The following ST8SIA6 variants were observed in gnomAD, a reference collection of about 807,000 sequenced individuals.
ST8SIA6 encodes alpha-2,8-sialyltransferase 8F.
In ST8SIA6, 39 loss-of-function variants were observed where a neutral mutation model predicts 33.6. The ratio of observed to expected loss-of-function variants is 1.16; its 90% CI spans 0.90 to 1.52. The LOEUF (loss-of-function observed/expected upper bound fraction) is 1.52. Among genes scored for constraint, ST8SIA6 ranks in the 40% most tolerant of loss-of-function variants. The pLI is 0.00. For missense variants in ST8SIA6, 441 were observed against 443.8 expected, an observed-to-expected ratio of 0.99 and a Z score of 0.06; for synonymous variants, 172 against 167.2, an observed-to-expected ratio of 1.03 and a Z score of -0.22.
chr10:17,341,918 A>C (rs1397832638), intron 4 of ST8SIA6, among the ~76,000 whole-genome samples: 6 of 150,554 alleles, frequency 4.0e-5, no homozygotes, highest in South Asian at 2.1e-4. Flanking sequence ...AAAAAAAAAA[A>C]AAACAAAAAG....
intron 3 of ST8SIA6, among the ~76,000 whole-genome samples, chr10:17,385,382 C>CA (rs1399624465): frequency 1.3e-5 from 2 of 152,152 alleles, no homozygotes. Context: ...TTGATGTTGT[C>CA]ACGGTGTCTG....
rs369074612 is a variant in ST8SIA6, at chr10:17,320,902, T to A, written c.1173A>T (p.Gln391His). The A allele has an allele frequency of 1.2e-6, 2 of 1,614,040 alleles. No homozygotes were observed. Among genetic ancestry groups the A allele is most frequent in the South Asian group, 2.2e-5 (2 of 91,076 alleles). Residue 391 changes from glutamine (Q) to histidine (H), a missense_variant, in exon 8 of 8, where the codon CAA becomes CAT. By Grantham distance (24) the Gln-to-His change is conservative. Transcript: ENST00000377602. The stretch of plus-strand genomic sequence containing the variant: ...TTTAGGCGACTTCACATTTGCTAAA[T>A]TGCAGTTTGAGGATTCCTTTCATGT... ...QLHMKGILKL[Q>H]FSKCEVA
At chr10:17,377,793 A>G (rs1849967204) in intron 3 of ST8SIA6, among the ~76,000 whole-genome samples, 2 of 152,236 alleles carry the variant, frequency 1.3e-5, no homozygotes, top group Non-Finnish European at 2.9e-5. Flanking sequence ...TTAACAGACC[A>G]TGACAAAAAT....
chr10:17,414,848 G>A (rs903261630), intron 2 of ST8SIA6, among the ~76,000 whole-genome samples: 1 of 152,002 alleles, frequency 6.6e-6, no homozygotes, highest in Admixed American at 6.6e-5. Flanking sequence ...TGAATTTTGG[G>A]GAGACAGAAT....
chr10:17,392,189 C>T (rs889139542), intron 2 of ST8SIA6, among the ~76,000 whole-genome samples: 3 of 152,120 alleles, frequency 2.0e-5, no homozygotes, highest in Non-Finnish European at 4.4e-5. Context: ...AATAACCAAA[C>T]AAATGAATAT....
intron 7 of ST8SIA6, 81 bp from the exon 8 acceptor site, chr10:17,321,427 C>T: frequency 8.5e-7 from 1 of 1,175,284 alleles, no homozygotes; most frequent in Non-Finnish European, 1.2e-6. Context: ...GCTGAATTTA[C>T]CATTGGTCAA....
chr10:17,427,673 T>C (rs1851980892), intron 2 of ST8SIA6, among the ~76,000 whole-genome samples: 1 of 152,242 alleles, frequency 6.6e-6, no homozygotes, highest in South Asian at 2.1e-4. Context: ...TGAATGTGAA[T>C]TCAGCCAAAG....
At chr10:17,337,964 C>G (rs1482354471) in intron 4 of ST8SIA6, among the ~76,000 whole-genome samples, 1 of 152,018 alleles carries the variant, frequency 6.6e-6, no homozygotes, top group South Asian at 2.1e-4. Flanking sequence ...CCTGGTAAAA[C>G]ACTGTACACT....
In ST8SIA6 at chr10:17,359,492, TATTA is replaced by T; in HGVS notation, c.377+18_377+21del. 1 of 1,531,484 alleles carries T rather than the reference TATTA, an allele frequency of 6.5e-7. No homozygotes were observed. The highest frequency in any genetic ancestry group is 9.0e-7 in the Non-Finnish European group (1 of 1,115,678). 94.9% of individuals were successfully genotyped at this position (1,531,484 alleles called of 1,614,324 possible). A position where few individuals can be genotyped will look rare whatever the true frequency, so the allele number is the denominator to read the frequency against. On this transcript the variant is annotated intron_variant, in intron 4 of 7. Coordinates refer to ENST00000377602, the MANE Select transcript of ST8SIA6 (RefSeq NM_001004470.3). ...TGAACAAGACATTTTTAAAATCTCATATTATTTATGAAAAAAATTACCTAAAATT... is the reference window on the plus strand; with the variant it reads ...TGAACAAGACATTTTTAAAATCTCATTTTATGAAAAAAATTACCTAAAATT...
At chr10:17,428,244 C>G (rs541916301) in intron 2 of ST8SIA6, among the ~76,000 whole-genome samples, 1 of 152,270 alleles carries the variant, frequency 6.6e-6, no homozygotes, top group East Asian at 1.9e-4. Context: ...CTGGGTGTGT[C>G]CTGGTGCAGC....
chr10:17,426,707 C>T (rs1004242909), intron 2 of ST8SIA6, among the ~76,000 whole-genome samples: 9 of 152,178 alleles, frequency 5.9e-5, no homozygotes, highest in Admixed American at 2.6e-4. Flanking sequence ...AATGTAAAAG[C>T]GTGGTGGTCT....
intron 2 of ST8SIA6, among the ~76,000 whole-genome samples, chr10:17,405,886 A>G (rs1468929882): frequency 7.9e-6 from 1 of 126,574 alleles, no homozygotes; most frequent in African/African-American, 4.4e-5. Context: ...CTCCATTTCA[A>G]AAAAAAAAAA....
intron 2 of ST8SIA6, among the ~76,000 whole-genome samples, chr10:17,405,437 T>C (rs1168883112): frequency 2.0e-5 from 3 of 151,794 alleles, no homozygotes; most frequent in Non-Finnish European, 2.9e-5. Context: ...GATTTTACCT[T>C]ATATGAAAAT....
chr10:17,453,568 GCGCGCGGTAC>G lies in ST8SIA6; in HGVS notation c.181_190del (p.Val61ProfsTer7). On this transcript the variant is annotated frameshift_variant, in exon 2 of 8. Coordinates refer to ENST00000377602, the MANE Select transcript of ST8SIA6 (RefSeq NM_001004470.3). LOFTEE classifies it high-confidence loss of function. The stretch of plus-strand genomic sequence containing the variant: ...CTGGGCGCCGCTGTACCTGTTAGTG[GCGCGCGGTAC>G]CGCGGTCGCCGGGCTCCGGAGCGTC... 7.5e-7 allele frequency: 1 copy of G among 1,329,106 alleles called. No homozygotes were observed. Among genetic ancestry groups the G allele is most frequent in the African/African-American group, 1.5e-5 (1 of 66,472 alleles). The allele number at this position is 1,329,106 out of a possible 1,614,324, so 82.3% of individuals were successfully genotyped here. A position where few individuals can be genotyped will look rare whatever the true frequency, so the allele number is the denominator to read the frequency against.
chr10:17,372,431 T>C (rs11254558), intron 3 of ST8SIA6, among the ~76,000 whole-genome samples: 27,529 of 152,204 alleles, frequency 0.18, 2,638 homozygotes, highest in South Asian at 0.22. Flanking sequence ...GGAAATAGAA[T>C]AGTTAGAATT....
At chr10:17,351,696 C>T (rs932819710) in intron 4 of ST8SIA6, among the ~76,000 whole-genome samples, 9 of 151,844 alleles carry the variant, frequency 5.9e-5, no homozygotes, top group African/African-American at 2.2e-4. Flanking sequence ...GGTATATATA[C>T]ACAGTGGAAT....
rs1564464575 is a variant in ST8SIA6, at chr10:17,437,647, TTCCTTCCTTCC to T, written c.200+15901_200+15911del. Reference sequence around the variant, plus strand: ...CTTCCTTCCTTCCTTCCTTCCTTCCTTCCTTCCTTCCTTCCTTCTGTCTCTCTTTCTCTTTC... The same window carrying T: ...CTTCCTTCCTTCCTTCCTTCCTTCCTTTCCTTCTGTCTCTCTTTCTCTTTC... On this transcript the variant is annotated intron_variant, in intron 2 of 7. Coordinates refer to ENST00000377602, the MANE Select transcript of ST8SIA6 (RefSeq NM_001004470.3). 4.0e-4 allele frequency among the ~76,000 whole-genome samples: 56 copies of T among 141,354 alleles called. 1 individual carries two copies. The highest frequency in any genetic ancestry group is 1.6e-3 in the Admixed American group (22 of 14,046). The allele number at this position is 141,354 out of a possible 152,430, so 92.7% of individuals were successfully genotyped here.
intron 3 of ST8SIA6, among the ~76,000 whole-genome samples, chr10:17,380,216 GT>G (rs367909479): frequency 1.3e-5 from 2 of 152,094 alleles, no homozygotes; most frequent in Non-Finnish European, 2.9e-5. Flanking sequence ...TGTTTTGTTT[GT>G]TTTTTTCCTG....
At chr10:17,333,688 T>G (rs879516217) in intron 4 of ST8SIA6, among the ~76,000 whole-genome samples, 3,736 of 21,148 alleles carry the variant, frequency 0.18, 293 homozygotes, top group African/African-American at 0.25. Flanking sequence ...TATATATATA[T>G]ATATATATAT....
Sources: allele counts gnomAD v4.1 joint callset (sites outside exome capture counted in the v4.1 genomes callset), GRCh38; gene constraint gnomAD v4.1.1; transcripts MANE v1.5; gene names NCBI Gene and HGNC (gene_info 2026-07-23, HGNC 2026-07-21).